The following PTBP2 variants were observed in gnomAD, a reference collection of about 807,000 sequenced individuals.
The protein encoded by PTBP2 is polypyrimidine tract binding protein 2, also known as polypyrimidine tract-binding protein 2.
A neutral mutation model predicts 61.4 loss-of-function variants in PTBP2; 13 were observed. That is an observed-to-expected ratio of 0.21 (90% confidence interval 0.14 to 0.34). PTBP2 has a LOEUF of 0.34. Among genes scored for constraint, PTBP2 ranks in the 10% least tolerant of loss-of-function variants. The probability of loss-of-function intolerance (pLI) is 1.00; values close to 1 mark genes in which losing one functional copy is unlikely to be tolerated. For synonymous variants in PTBP2, 215 were observed against 218.5 expected, an observed-to-expected ratio of 0.98 and a Z score of 0.14; for missense variants, 405 against 642.6, an observed-to-expected ratio of 0.63 and a Z score of 4.00.
intron 2 of PTBP2, among the ~76,000 whole-genome samples, chr1:96,736,797 C>T (rs1652254306): frequency 6.6e-6 from 1 of 152,094 alleles, no homozygotes; most frequent in Non-Finnish European, 1.5e-5. Context: ...CCACCTCAGC[C>T]TCCCAAGTAG....
chr1:96,794,959 A>G (rs1036357826), intron 8 of PTBP2, among the ~76,000 whole-genome samples: 1 of 152,220 alleles, frequency 6.6e-6, no homozygotes, highest in Non-Finnish European at 1.5e-5. Flanking sequence ...AGTGTTACCC[A>G]GGGAGTATGA....
At chr1:96,788,333 A>G (rs1429934265) in intron 8 of PTBP2, among the ~76,000 whole-genome samples, 2 of 152,112 alleles carry the variant, frequency 1.3e-5, no homozygotes, top group African/African-American at 4.8e-5. Flanking sequence ...CTCTTTTTAA[A>G]TAATTGATCT....
At chr1:96,772,630 C>G (rs1159995097) in intron 5 of PTBP2, among the ~76,000 whole-genome samples, 1 of 152,116 alleles carries the variant, frequency 6.6e-6, no homozygotes, top group African/African-American at 2.4e-5. Flanking sequence ...AATGTGAGTT[C>G]AGCTTTTTTA....
chr1:96,723,261 A>G (rs1402303300), intron 1 of PTBP2, among the ~76,000 whole-genome samples: 1 of 152,210 alleles, frequency 6.6e-6, no homozygotes, highest in Non-Finnish European at 1.5e-5. Context: ...GCGTTAAATT[A>G]TTAATCTCAG....
chr1:96,737,844 ATTG>A (rs766124501), intron 2 of PTBP2, among the ~76,000 whole-genome samples: 28 of 152,034 alleles, frequency 1.8e-4, no homozygotes, highest in Non-Finnish European at 2.9e-4. Context: ...CTTTGTGAGT[ATTG>A]TTATATATGT....
At chr1:96,732,277 T>C (rs983388778) in intron 2 of PTBP2, among the ~76,000 whole-genome samples, 2 of 152,238 alleles carry the variant, frequency 1.3e-5, no homozygotes, top group Non-Finnish European at 2.9e-5. Context: ...AGATGTGTTA[T>C]TCAAAACTTT....
At position 96,806,446 on chromosome 1, in the gene PTBP2, C is replaced by A; in HGVS notation, c.1072C>A (p.Leu358Ile). 6.2e-7 allele frequency: 1 copy of A among 1,604,378 alleles called. No individual in the cohort carries two copies. The highest frequency in any genetic ancestry group is 8.5e-7 in the Non-Finnish European group (1 of 1,171,306). ...EMVTPQSLFT[L>I]FGVYGDVQRV... ...GGTTACGCCCCAAAGTCTGTTTACC[C>A]TCTTCGGTATGTTATTGTTAGCACT... Residue 358 changes from leucine (L) to isoleucine (I), a missense_variant, in exon 10 of 14, where the codon CTC (leucine) becomes ATC (isoleucine). Leu to Ile is a conservative substitution (Grantham distance 5, BLOSUM62 2). Around this residue, in one of 4 missense-constraint regions of PTBP2, gnomAD observed 342 missense variants for 491.2 expected, o/e 0.70. Transcript: ENST00000674951.
chr1:96,724,847 A>C (rs913238612), intron 2 of PTBP2, among the ~76,000 whole-genome samples: 7 of 152,126 alleles, frequency 4.6e-5, no homozygotes, highest in Non-Finnish European at 8.8e-5. Context: ...CCTAAAACTT[A>C]AAGTATAATA....
intron 8 of PTBP2, among the ~76,000 whole-genome samples, chr1:96,801,908 A>G (rs1661034855): frequency 6.6e-6 from 1 of 150,690 alleles, no homozygotes; most frequent in East Asian, 2.0e-4. Context: ...GGAAATGACA[A>G]CCATTAATAG....
At chr1:96,778,017 A>G (rs1658222765) in intron 7 of PTBP2, 71 bp downstream of exon 7, 3 of 683,900 alleles carry the variant, frequency 4.4e-6, no homozygotes, top group Non-Finnish European at 6.9e-6. Context: ...ATATATATGT[A>G]TGTATACTTA....
chr1:96,818,972 C>T (rs1242707475), downstream of PTBP2: 2 of 151,888 alleles, frequency 1.3e-5, no homozygotes, highest in Non-Finnish European at 2.9e-5. Flanking sequence ...TGCTATTATT[C>T]ATAAATTTAA....
At chr1:96,730,269 C>T (rs1190305323) in intron 2 of PTBP2, among the ~76,000 whole-genome samples, 1 of 152,048 alleles carries the variant, frequency 6.6e-6, no homozygotes, top group African/African-American at 2.4e-5. Flanking sequence ...GTTTGATCTT[C>T]ATTTTCTACT....
At chr1:96,788,205 G>A (rs1220815296) in intron 8 of PTBP2, among the ~76,000 whole-genome samples, 4 of 152,088 alleles carry the variant, frequency 2.6e-5, no homozygotes, top group East Asian at 1.9e-4. Context: ...TAGGATGTAC[G>A]GTAATTCTTA....
chr1:96,791,718 A>G (rs961090989), intron 8 of PTBP2, among the ~76,000 whole-genome samples: 6 of 152,054 alleles, frequency 3.9e-5, no homozygotes, highest in Admixed American at 2.0e-4. Flanking sequence ...TCCACTATCA[A>G]AATGCTTAGA....
intron 2 of PTBP2, among the ~76,000 whole-genome samples, chr1:96,737,886 C>CT (rs973346922): frequency 4.4e-4 from 67 of 151,072 alleles, no homozygotes; most frequent in African/African-American, 1.3e-3. Flanking sequence ...AGTAACGTTT[C>CT]TTTTTTTTTA....
At position 96,813,523 on chromosome 1, in the gene PTBP2, CT is replaced by C. The variant is rs138277715; in HGVS notation, c.*128del. ...TTTTGTTTTTGTTTTTTTGGGGTTT[CT>C]TTTTTTTTTCCATGCTGTTATCATT... On this transcript the variant is annotated 3_prime_UTR_variant, in exon 14 of 14. Coordinates refer to ENST00000674951, the MANE Select transcript of PTBP2 (RefSeq NM_021190.4). The C allele has an allele frequency of 3.6e-3, 3,353 of 932,612 alleles. No individual in the cohort carries two copies. Among genetic ancestry groups the C allele is most frequent in the South Asian group, 8.0e-3 (268 of 33,484 alleles). The allele number at this position is 932,612 out of a possible 1,614,324, so 57.8% of individuals were successfully genotyped here.
At chr1:96,806,311 C>T in intron 9 of PTBP2, 108 bp from the exon 10 acceptor site, 1 of 914,510 alleles carries the variant, frequency 1.1e-6, no homozygotes, top group East Asian at 2.4e-5. Context: ...GACCACCTCA[C>T]CATTCTGCGG....
rs1483226321 is a variant in PTBP2, at chr1:96,814,726, C to T, written c.*1321C>T. 1 of 152,476 alleles carries T rather than the reference C, an allele frequency of 6.6e-6. No individual in the cohort carries two copies. The highest frequency in any genetic ancestry group is 6.6e-5 in the Admixed American group (1 of 15,264). 9.4% of individuals were successfully genotyped at this position (152,476 alleles called of 1,614,324 possible). A position where few individuals can be genotyped will look rare whatever the true frequency, so the allele number is the denominator to read the frequency against. ...ATATTTTCTATTAGTTGAGTTTTTA[C>T]ATCTTTAGAAATGTAAAATTCAGTA... On this transcript the variant is annotated 3_prime_UTR_variant, in exon 14 of 14. Coordinates refer to ENST00000674951, the MANE Select transcript of PTBP2 (RefSeq NM_021190.4).
intron 2 of PTBP2, among the ~76,000 whole-genome samples, chr1:96,748,147 C>T (rs900006222): frequency 1.1e-4 from 16 of 152,066 alleles, no homozygotes; most frequent in African/African-American, 3.9e-4. Flanking sequence ...CGGTGTCTTT[C>T]TGTCATGGTT....
Sources: allele counts gnomAD v4.1 joint callset (sites outside exome capture counted in the v4.1 genomes callset), GRCh38; gene constraint gnomAD v4.1.1; regional missense constraint gnomAD v4.1.1; transcripts MANE v1.5; gene names NCBI Gene and HGNC (gene_info 2026-07-23, HGNC 2026-07-21).